Variants in ZCCHC10 observed in about 807,000 individuals in gnomAD.
ZCCHC10 encodes the protein zinc finger CCHC domain-containing protein 10.
Under a neutral mutation model 19.5 loss-of-function variants are expected in ZCCHC10, and 16 were observed. The ratio of observed to expected loss-of-function variants is 0.82; its 90% CI spans 0.56 to 1.25. The LOEUF is 1.25. ZCCHC10 is among the 50% of genes most tolerant of loss of function. The pLI, the probability that ZCCHC10 is intolerant of heterozygous loss-of-function variation, is 0.00. For synonymous variants in ZCCHC10, 67 were observed against 72.5 expected (o/e 0.92, Z 0.38); for missense variants, 197 against 201.0 (o/e 0.98, Z 0.12).
At chr5:133,016,902 T>G (rs1326525388) in intron 2 of ZCCHC10, among the ~76,000 whole-genome samples, 1 of 151,544 alleles carries the variant, frequency 6.6e-6, no homozygotes, top group Non-Finnish European at 1.5e-5. Context: ...GAATCTGCCC[T>G]GCACCCCCAC....
intron 2 of ZCCHC10, chr5:133,019,115 G>C (rs2126640320): frequency 4.4e-6 from 2 of 449,884 alleles, no homozygotes; most frequent in Non-Finnish European, 8.9e-6. Flanking sequence ...TGGACGCAGT[G>C]GCTCACGCCT....
At chr5:133,013,262 A>G (rs562117911) in intron 2 of ZCCHC10, among the ~76,000 whole-genome samples, 2 of 70,670 alleles carry the variant, frequency 2.8e-5, no homozygotes, top group African/African-American at 1.6e-4. Context: ...CATCTCCAAG[A>G]AAAAAAAAAA....
intron 3 of ZCCHC10, among the ~76,000 whole-genome samples, chr5:133,000,972 T>A (rs984705322): frequency 1.1e-4 from 17 of 152,004 alleles, no homozygotes; most frequent in African/African-American, 4.1e-4. Context: ...ACCAGAAATG[T>A]AATACTTCAA....
At position 133,021,767 on chromosome 5, in the gene ZCCHC10, T is replaced by A. The variant is rs560180418; in HGVS notation, c.107+1074A>T. On this transcript the variant is annotated intron_variant, in intron 2 of 4. Transcript: ENST00000509437. The stretch of plus-strand genomic sequence containing the variant: ...ATTTTTTTAAATTTCAATAATAAAT[T>A]AATCTTAGCTTACTACAATTTTACT... Among the ~76,000 whole-genome samples the A allele has an allele frequency of 7.1e-3, 1,075 of 151,946 alleles. 3 individuals are homozygous for A. The highest frequency in any genetic ancestry group is 9.6e-3 in the Non-Finnish European group (650 of 68,006).
chr5:133,026,444 C>G (rs1764721972), intron 1 of ZCCHC10, 53 bp downstream of exon 1: 2 of 1,604,908 alleles, frequency 1.2e-6, no homozygotes, highest in East Asian at 2.2e-5. Flanking sequence ...CCCGTTGACG[C>G]GCGTTTCCCC....
At chr5:133,007,973 C>T (rs1763234312) in intron 2 of ZCCHC10, among the ~76,000 whole-genome samples, 1 of 152,090 alleles carries the variant, frequency 6.6e-6, no homozygotes, top group Non-Finnish European at 1.5e-5. Context: ...CACCTGTAAT[C>T]CCAGCACTTT....
chr5:133,018,682 A>G (rs1189931256), intron 2 of ZCCHC10, among the ~76,000 whole-genome samples: 2 of 152,206 alleles, frequency 1.3e-5, no homozygotes, highest in Non-Finnish European at 2.9e-5. Flanking sequence ...TGCTGGGATT[A>G]CAGGCGTGAG....
intron 1 of ZCCHC10, among the ~76,000 whole-genome samples, chr5:133,025,760 C>A (rs566970974): frequency 6.6e-6 from 1 of 152,244 alleles, no homozygotes; most frequent in Admixed American, 6.6e-5. Flanking sequence ...TTCAGAGATG[C>A]CTTTCCAGTC....
chr5:133,015,072 G>C (rs1245742514), intron 2 of ZCCHC10, among the ~76,000 whole-genome samples: 1 of 146,608 alleles, frequency 6.8e-6, no homozygotes, highest in East Asian at 2.0e-4. Flanking sequence ...CTTCGCCACT[G>C]TGAGGTTTTT....
chr5:132,997,359 TA>T lies in ZCCHC10; in HGVS notation c.*1223del, dbSNP rs1471697464. On this transcript the variant is annotated 3_prime_UTR_variant, in exon 5 of 5. Transcript: ENST00000509437. The stretch of plus-strand genomic sequence containing the variant: ...ATAAAAAAGACAACATTTATAGTTT[TA>T]AAAACCTATATTTAACCCAAATCAA... The T allele has an allele frequency of 1.3e-5, 2 of 152,186 alleles. No individual in the cohort carries two copies. The highest frequency in any genetic ancestry group is 2.9e-5 in the Non-Finnish European group (2 of 68,028). 9.4% of individuals were successfully genotyped at this position (152,186 alleles called of 1,614,324 possible).
intron 2 of ZCCHC10, among the ~76,000 whole-genome samples, chr5:133,016,053 TCTTTTGACATGGCTC>T (rs1269804106): frequency 1.3e-5 from 2 of 152,220 alleles, no homozygotes; most frequent in Non-Finnish European, 2.9e-5. Context: ...GATTATGTGT[TCTTTTGACATGGCTC>T]CTTTATTATT....
At chr5:133,011,796 A>C (rs1763554573) in intron 2 of ZCCHC10, among the ~76,000 whole-genome samples, 1 of 152,016 alleles carries the variant, frequency 6.6e-6, no homozygotes, top group Admixed American at 6.6e-5. Context: ...TAAAAATCCC[A>C]AAAGTTTTTT....
chr5:133,022,091 C>T (rs529272018), intron 2 of ZCCHC10, among the ~76,000 whole-genome samples: 9 of 152,124 alleles, frequency 5.9e-5, no homozygotes, highest in Non-Finnish European at 1.2e-4. Context: ...CCACCGCACC[C>T]GGCCTACTTT....
At chr5:133,022,412 TAG>T (rs1201416706) in intron 2 of ZCCHC10, among the ~76,000 whole-genome samples, 1 of 151,852 alleles carries the variant, frequency 6.6e-6, no homozygotes, top group Non-Finnish European at 1.5e-5. Flanking sequence ...CATGACAATA[TAG>T]AGAGAGATCC....
At chr5:133,008,085 C>A (rs1434272091) in intron 2 of ZCCHC10, among the ~76,000 whole-genome samples, 1 of 150,938 alleles carries the variant, frequency 6.6e-6, no homozygotes, top group South Asian at 2.1e-4. Flanking sequence ...ATTAGCCGGG[C>A]GTGGTGGTGG....
At chr5:133,008,327 C>A (rs913222986) in intron 2 of ZCCHC10, among the ~76,000 whole-genome samples, 2 of 149,618 alleles carry the variant, frequency 1.3e-5, no homozygotes, top group Non-Finnish European at 3.0e-5. Context: ...ATCAGGAGGT[C>A]AGGAGTTTGA....
At chr5:133,009,633 A>G (rs1163666610) in intron 2 of ZCCHC10, among the ~76,000 whole-genome samples, 2 of 151,096 alleles carry the variant, frequency 1.3e-5, no homozygotes, top group African/African-American at 4.8e-5. Context: ...AAAAAAAAAA[A>G]GAATAATCAA....
intron 1 of ZCCHC10, among the ~76,000 whole-genome samples, chr5:133,023,273 A>G (rs10053494): frequency 0.33 from 50,062 of 151,858 alleles, 9,697 homozygotes; most frequent in African/African-American, 0.55. Context: ...ACCCCAAATA[A>G]TGCCTAGACT....
intron 2 of ZCCHC10, among the ~76,000 whole-genome samples, chr5:133,015,682 A>G (rs2126627212): frequency 6.6e-6 from 1 of 152,316 alleles, no homozygotes; most frequent in South Asian, 2.1e-4. Context: ...AAGCCTTCAG[A>G]TAACTGCTGC....
Sources: gnomAD v4.1 joint callset for allele counts (sites outside exome capture counted in the v4.1 genomes callset) on GRCh38, gnomAD v4.1.1 for gene constraint, MANE v1.5 for transcripts, NCBI Gene and HGNC (gene_info 2026-07-23, HGNC 2026-07-21) for gene names.